The following GAL3ST1 variants were observed in gnomAD, a reference collection of about 807,000 sequenced individuals.
The protein encoded by GAL3ST1 is galactosylceramide sulfotransferase.
In GAL3ST1, 13 loss-of-function variants were observed where a neutral mutation model predicts 25.0. That is an observed-to-expected ratio of 0.52 (90% CI 0.34 to 0.83). The LOEUF is 0.83. GAL3ST1 is among the 40% of genes least tolerant of loss of function. GAL3ST1 has a pLI of 0.02. For synonymous variants in GAL3ST1, 274 were observed against 277.8 expected (o/e 0.99, Z 0.14); for missense variants, 474 against 613.6 (o/e 0.77, Z 2.40).
chr22:30,557,375 C>A lies in GAL3ST1; in HGVS notation c.18G>T (p.Lys6Asn), dbSNP rs760984952. ...CCTTAGCCATGGACTCCCAGGGCTT[C>A]TTCTGCGGTGGCAGCATCTCAGACA... is the stretch of plus-strand genomic sequence containing the variant. Reference protein sequence around the residue: MLPPQKKPWESMAKGL... With the variant: MLPPQNKPWESMAKGL... The change falls in exon 3 of 4, where the codon AAG becomes AAT. Residue 6 changes from lysine (K) to asparagine (N), a missense_variant. By Grantham distance (94) the Lys-to-Asn change is moderately conservative (BLOSUM62 0). Around this residue, in one of 2 missense-constraint regions of GAL3ST1, gnomAD observed 115 missense variants for 109.2 expected, o/e 1.05. Coordinates refer to ENST00000406361, the MANE Select transcript of GAL3ST1 (RefSeq NM_001318104.2). 36 of 1,614,100 alleles carry A rather than the reference C, an allele frequency of 2.2e-5. No homozygotes were observed. Among genetic ancestry groups the A allele is most frequent in the African/African-American group, 2.7e-5 (2 of 74,948 alleles).
intron 3 of GAL3ST1, 91 bp downstream of exon 3, chr22:30,557,171 G>A: frequency 7.4e-7 from 1 of 1,358,700 alleles, no homozygotes; most frequent in Admixed American, 1.9e-5. Flanking sequence ...AAGATCACTG[G>A]GGCAGGCCCT....
rs374610661 is a variant in GAL3ST1, at chr22:30,563,860, G to A, written c.-119-5472C>T. Among the ~76,000 whole-genome samples the A allele has an allele frequency of 6.4e-4, 96 of 150,830 alleles. 1 individual carries two copies. In the South Asian group the frequency reaches 0.019, roughly 30 times the overall value. On this transcript the variant is annotated intron_variant, in intron 1 of 3. Coordinates refer to ENST00000406361, the MANE Select transcript of GAL3ST1 (RefSeq NM_001318104.2). ...GAACCCAGGAGGCGGAGCTTGCAGC[G>A]AGCCGAGATCACTCCACTGCACTCC...
Position 30,555,049 on chromosome 22 carries a change from G to A in GAL3ST1, c.1176C>T (p.Arg392=), listed in dbSNP as rs200925610. ...GGTACTGGATCTCGGGCGTGAGCATGCGCCGGCAGAGCTGCGCGTGCCGCT... is the reference window on the plus strand; with the variant it reads ...GGTACTGGATCTCGGGCGTGAGCATACGCCGGCAGAGCTGCGCGTGCCGCT... ...IGQRHAQLCR[R]MLTPEIQYLM... Residue 392 remains arginine (R), a synonymous_variant, in exon 4 of 4, where the codon CGC becomes CGT. Coordinates refer to ENST00000406361, the MANE Select transcript of GAL3ST1 (RefSeq NM_001318104.2). The surrounding 1 kb of genome is among the most constrained non-coding windows in gnomAD (Gnocchi z 8.6). 4.4e-4 allele frequency: 709 copies of A among 1,612,216 alleles called. 6 individuals are homozygous for A. In the South Asian group the frequency reaches 5.2e-3, roughly 12 times the overall value.
At chr22:30,570,890 G>T (rs1385400336) in intron 1 of GAL3ST1, among the ~76,000 whole-genome samples, 2 of 151,360 alleles carry the variant, frequency 1.3e-5, no homozygotes, top group African/African-American at 4.9e-5. Context: ...TGTGTATAAG[G>T]GTCTGGAAAG....
intron 2 of GAL3ST1, 149 bp from the exon 3 acceptor site, chr22:30,557,550 G>A: frequency 2.7e-6 from 2 of 754,506 alleles, no homozygotes; most frequent in Non-Finnish European, 2.1e-6. Context: ...GCACTGGAGA[G>A]ATAGACTGAC....
chr22:30,568,380 GA>G (rs1257014610), intron 1 of GAL3ST1, among the ~76,000 whole-genome samples: 1 of 152,214 alleles, frequency 6.6e-6, no homozygotes, highest in East Asian at 1.9e-4. Flanking sequence ...TATGTGAACA[GA>G]ATGCCAGCTG....
chr22:30,561,724 C>T (rs779742032), intron 1 of GAL3ST1, among the ~76,000 whole-genome samples: 1 of 152,096 alleles, frequency 6.6e-6, no homozygotes, highest in Non-Finnish European at 1.5e-5. Context: ...AGCAGGGTCC[C>T]GTCTCTGTGG....
chr22:30,555,987 A>T lies in GAL3ST1; in HGVS notation c.238T>A (p.Phe80Ile). 1 of 1,613,330 alleles carries T rather than the reference A, an allele frequency of 6.2e-7. No homozygotes were observed. Among genetic ancestry groups the T allele is most frequent in the Non-Finnish European group, 8.5e-7 (1 of 1,179,948 alleles). ...GECQPRRNIV[F>I]LKTHKTASST... is the part of the protein sequence containing the mutation. ...CTGGCCGTCTTGTGCGTCTTCAAGA[A>T]CACGATGTTGCGCCGCGGCTGGCAC... The change falls in exon 4 of 4, where the codon TTC (phenylalanine) becomes ATC (isoleucine). Residue 80 changes from phenylalanine to isoleucine, a missense_variant. Coordinates refer to ENST00000406361, the MANE Select transcript of GAL3ST1 (RefSeq NM_001318104.2). The surrounding 1 kb of genome is among the most constrained non-coding windows in gnomAD (Gnocchi z 8.6).
chr22:30,566,858 C>T (rs1229436330), intron 1 of GAL3ST1, among the ~76,000 whole-genome samples: 3 of 152,212 alleles, frequency 2.0e-5, no homozygotes, highest in East Asian at 1.9e-4. Context: ...ATCTGCCCAC[C>T]TTAGCCTCCC....
Position 30,555,910 on chromosome 22 carries a change from C to G in GAL3ST1, c.315G>C (p.Lys105Asn). 6.2e-7 allele frequency: 1 copy of G among 1,614,206 alleles called. No homozygotes were observed. Among genetic ancestry groups the G allele is most frequent in the Non-Finnish European group, 8.5e-7 (1 of 1,180,036 alleles). The change falls in exon 4 of 4, where the codon AAG becomes AAC. Residue 105 changes from lysine (K) to asparagine (N), a missense_variant. Around this residue, in one of 2 missense-constraint regions of GAL3ST1, gnomAD observed 359 missense variants for 504.4 expected, o/e 0.71. Coordinates refer to ENST00000406361, the MANE Select transcript of GAL3ST1 (RefSeq NM_001318104.2). The surrounding 1 kb of genome is among the most constrained non-coding windows in gnomAD (Gnocchi z 8.6). ...LFRFGQKHRL[K>N]FAFPNGRNDF... Reference sequence around the variant, plus strand: ...CATTGCGGCCGTTAGGGAAGGCGAACTTGAGCCGGTGCTTCTGGCCGAAGC... The same window carrying G: ...CATTGCGGCCGTTAGGGAAGGCGAAGTTGAGCCGGTGCTTCTGGCCGAAGC...
At chr22:30,569,881 G>A (rs948086669) in intron 1 of GAL3ST1, among the ~76,000 whole-genome samples, 13 of 152,166 alleles carry the variant, frequency 8.5e-5, no homozygotes, top group African/African-American at 2.2e-4. Flanking sequence ...CCAGGAGTTC[G>A]AGACTTGCCT....
At chr22:30,563,973 T>C (rs2086537820) in intron 1 of GAL3ST1, among the ~76,000 whole-genome samples, 2 of 152,248 alleles carry the variant, frequency 1.3e-5, no homozygotes, top group South Asian at 4.2e-4. Context: ...ACATAAATTC[T>C]TTCTAAACTT....
intron 1 of GAL3ST1, among the ~76,000 whole-genome samples, chr22:30,564,426 G>A (rs73881478): frequency 0.086 from 13,047 of 152,208 alleles, 610 homozygotes; most frequent in Admixed American, 0.12. Context: ...GGATACCTTT[G>A]GGGTAACACA....
In GAL3ST1 at chr22:30,556,079, G is replaced by A. The variant is rs1467809050; in HGVS notation, c.146C>T (p.Ala49Val). 6.2e-7 allele frequency: 1 copy of A among 1,605,314 alleles called. No individual in the cohort carries two copies. The highest frequency in any genetic ancestry group is 8.5e-7 in the Non-Finnish European group (1 of 1,177,806). Residue 49 changes from alanine (A) to valine (V), a missense_variant, in exon 4 of 4, where the codon GCA (alanine) becomes GTA (valine). Ala to Val is a moderately conservative substitution (Grantham distance 64, BLOSUM62 0). Transcript: ENST00000406361. ...AGLASTTPEAAASCSPPALEP... is the reference protein window; with the variant it reads ...AGLASTTPEAVASCSPPALEP... ...GAGTGCAGGTGGAGAGCAGGACGCT[G>A]CGGCCTCCGGGGTCCTGCTGGGGAC...
intron 1 of GAL3ST1, among the ~76,000 whole-genome samples, chr22:30,570,215 T>C (rs1244165204): frequency 2.0e-5 from 3 of 152,180 alleles, no homozygotes; most frequent in African/African-American, 7.2e-5. Flanking sequence ...GGGCTTTCTG[T>C]AGCTGGAGTG....
intron 1 of GAL3ST1, among the ~76,000 whole-genome samples, chr22:30,565,638 A>G (rs2086597496): frequency 6.6e-6 from 1 of 152,156 alleles, no homozygotes; most frequent in Non-Finnish European, 1.5e-5. Context: ...CTGGGTGAGG[A>G]ATGGTGATAC....
chr22:30,558,840 T>G (rs2086200924), intron 1 of GAL3ST1, among the ~76,000 whole-genome samples: 6 of 152,154 alleles, frequency 3.9e-5, no homozygotes, highest in African/African-American at 1.4e-4. Context: ...ATTCCAAATA[T>G]TGCATGGGAC....
chr22:30,570,523 G>A (rs888959158), intron 1 of GAL3ST1, among the ~76,000 whole-genome samples: 6 of 152,234 alleles, frequency 3.9e-5, no homozygotes, highest in African/African-American at 1.4e-4. Context: ...CTGACCGGAT[G>A]TGGTGGCTCA....
intron 1 of GAL3ST1, chr22:30,565,283 C>T (rs2086588795): frequency 6.6e-6 from 1 of 152,282 alleles, no homozygotes; most frequent in Non-Finnish European, 1.5e-5. Flanking sequence ...ATTTAAGTCT[C>T]ACAGCTGATG....
Sources: allele counts gnomAD v4.1 joint callset (sites outside exome capture counted in the v4.1 genomes callset), GRCh38; gene constraint gnomAD v4.1.1; regional missense constraint gnomAD v4.1.1; non-coding constraint Gnocchi (gnomAD v3.1); transcripts MANE v1.5; gene names NCBI Gene and HGNC (gene_info 2026-07-23, HGNC 2026-07-21).